AK8: variants seen among roughly 807,000 people sequenced by gnomAD.
AK8 encodes adenylate kinase 8, also known as ATP-AMP transphosphorylase 8.
A neutral mutation model predicts 54.6 loss-of-function variants in AK8; 44 were observed. The ratio of observed to expected loss-of-function variants is 0.81; its 90% confidence interval spans 0.63 to 1.04. The LOEUF (loss-of-function observed/expected upper bound fraction) is 1.04, where lower values mean the gene tolerates loss of function less well. Ranked by LOEUF, AK8 falls within the 50% of genes least tolerant of loss-of-function variation. The pLI is 0.00. For synonymous variants in AK8, 239 were observed against 245.6 expected (o/e 0.97, Z 0.25); for missense variants, 555 against 613.6 (o/e 0.90, Z 1.01).
chr9:132,875,772 C>T lies in AK8; in HGVS notation c.85-573G>A, dbSNP rs1844071284. On this transcript the variant is annotated intron_variant, in intron 1 of 12. Coordinates refer to ENST00000298545, the MANE Select transcript of AK8 (RefSeq NM_152572.3). ...GGCAGGCCATGGGTTCTGTGGGCCT[C>T]CTTGTCTGCCTAGAGCCCTTGGCAC... is the stretch of plus-strand genomic sequence containing the variant. 2.0e-5 allele frequency among the ~76,000 whole-genome samples: 3 copies of T among 152,266 alleles called. No homozygotes were observed. In the South Asian group the frequency reaches 6.2e-4, roughly 32 times the overall value.
chr9:132,797,267 C>T (rs903576945), intron 10 of AK8, among the ~76,000 whole-genome samples: 2 of 149,680 alleles, frequency 1.3e-5, no homozygotes, highest in Non-Finnish European at 3.0e-5. Context: ...TGGCACAGTA[C>T]TGGGCCCACG....
At chr9:132,848,257 G>A (rs1409828473) in intron 5 of AK8, among the ~76,000 whole-genome samples, 1 of 151,948 alleles carries the variant, frequency 6.6e-6, no homozygotes, top group Admixed American at 6.6e-5. Flanking sequence ...ATGGATTAAG[G>A]CACACAGCAT....
At chr9:132,792,590 C>T (rs750732266) in intron 11 of AK8, 44 bp downstream of exon 11, 19 of 1,533,300 alleles carry the variant, frequency 1.2e-5, no homozygotes, top group Non-Finnish European at 1.7e-5. Context: ...GAGGGGGTGC[C>T]CAGGGGCTTG....
chr9:132,878,201 C>G lies in AK8; in HGVS notation c.55G>C (p.Glu19Gln), dbSNP rs1464664409. 9 of 1,481,342 alleles carry G rather than the reference C, an allele frequency of 6.1e-6. No individual in the cohort carries two copies. Among genetic ancestry groups the G allele is most frequent in the Non-Finnish European group, 8.1e-6 (9 of 1,114,138 alleles). 91.8% of individuals were successfully genotyped at this position (1,481,342 alleles called of 1,614,324 possible). Residue 19 changes from glutamate to glutamine, a missense_variant, in exon 1 of 13, where the codon GAG (glutamate) becomes CAG (glutamine). Physicochemically the swap from Glu to Gln is conservative, Grantham distance 29. Coordinates refer to ENST00000298545, the MANE Select transcript of AK8 (RefSeq NM_152572.3). The surrounding 1 kb of genome is among the most constrained non-coding windows in gnomAD (Gnocchi z 4.7). ...ATCAACTCGAAGATGTGGTTCTCCT[C>G]CCCGTACTGGGGCATCTCGGGGGGG... is the stretch of plus-strand genomic sequence containing the variant. Reference protein sequence around the residue: ...RIPPEMPQYGEENHIFELMQN... With the variant: ...RIPPEMPQYGQENHIFELMQN...
chr9:132,737,382 ATTT>A (rs1837171564), intron 11 of AK8, among the ~76,000 whole-genome samples: 1 of 152,224 alleles, frequency 6.6e-6, no homozygotes, highest in Admixed American at 6.5e-5. Flanking sequence ...AGGAATACTG[ATTT>A]TATTCGTCAG....
intron 11 of AK8, among the ~76,000 whole-genome samples, chr9:132,764,240 G>A (rs768204405): frequency 3.3e-5 from 5 of 152,140 alleles, no homozygotes; most frequent in African/African-American, 9.7e-5. Flanking sequence ...AGCCTGGGAG[G>A]TAGACGTTGC....
At chr9:132,871,488 A>G (rs1169907552) in intron 2 of AK8, among the ~76,000 whole-genome samples, 1 of 152,206 alleles carries the variant, frequency 6.6e-6, no homozygotes, top group Non-Finnish European at 1.5e-5. Context: ...GGTGGAGTGC[A>G]GGGCTGTGGG....
In AK8 at chr9:132,762,846, C is replaced by T. The variant is rs1379919498; in HGVS notation, c.1121+29788G>A. On this transcript the variant is annotated intron_variant, in intron 11 of 12. Coordinates refer to ENST00000298545, the MANE Select transcript of AK8 (RefSeq NM_152572.3). ...GAGCTGAGATTGTGCCACTGCACTC[C>T]AGCCTGGGTGACAGAGCGAGACTCT... Among the ~76,000 whole-genome samples, 3 of 152,052 alleles carry T rather than the reference C, an allele frequency of 2.0e-5. No homozygotes were observed. The East Asian group carries it at 5.8e-4, about 29-fold the overall frequency.
At chr9:132,734,450 C>T (rs1316682045) in intron 11 of AK8, among the ~76,000 whole-genome samples, 9 of 152,248 alleles carry the variant, frequency 5.9e-5, no homozygotes, top group African/African-American at 1.7e-4. Context: ...TTTTTACAAG[C>T]TCCTCACTGG....
At chr9:132,810,653 G>A (rs1840957488) in intron 10 of AK8, among the ~76,000 whole-genome samples, 1 of 152,168 alleles carries the variant, frequency 6.6e-6, no homozygotes, top group Admixed American at 6.5e-5. Context: ...ATAAGACTGT[G>A]CTGTCAGATG....
At chr9:132,807,521 C>CATG (rs1840780072) in intron 10 of AK8, among the ~76,000 whole-genome samples, 1 of 152,232 alleles carries the variant, frequency 6.6e-6, no homozygotes, top group Admixed American at 6.5e-5. Context: ...CCAAGCAACT[C>CATG]ATGAGAACGA....
At chr9:132,831,734 T>C (rs1286162844) in intron 5 of AK8, among the ~76,000 whole-genome samples, 2 of 152,150 alleles carry the variant, frequency 1.3e-5, no homozygotes, top group Non-Finnish European at 2.9e-5. Context: ...TGTGGGCGAC[T>C]GTAAGAGATG....
chr9:132,795,333 C>G (rs1180915568), intron 10 of AK8, among the ~76,000 whole-genome samples: 1 of 152,142 alleles, frequency 6.6e-6, no homozygotes, highest in African/African-American at 2.4e-5. Context: ...GCTATAGACC[C>G]CCTGTACACT....
chr9:132,866,491 T>C (rs539766087), intron 3 of AK8, among the ~76,000 whole-genome samples: 1 of 152,368 alleles, frequency 6.6e-6, no homozygotes, highest in Admixed American at 6.5e-5. Context: ...TCTGATTCTT[T>C]TAAGTATTTC....
intron 10 of AK8, among the ~76,000 whole-genome samples, chr9:132,807,530 G>A (rs1010825227): frequency 2.0e-5 from 3 of 152,210 alleles, no homozygotes; most frequent in African/African-American, 7.2e-5. Context: ...TCATGAGAAC[G>A]AGAACAGTTC....
chr9:132,836,548 A>G (rs1305306952), intron 5 of AK8, among the ~76,000 whole-genome samples: 1 of 152,202 alleles, frequency 6.6e-6, no homozygotes, highest in African/African-American at 2.4e-5. Flanking sequence ...CTTGGGGTAG[A>G]CACATTTCTC....
At chr9:132,757,047 G>A (rs967829426) in intron 11 of AK8, among the ~76,000 whole-genome samples, 3 of 152,084 alleles carry the variant, frequency 2.0e-5, no homozygotes, top group Admixed American at 6.6e-5. Context: ...ACATAATTTC[G>A]GAATCATCGC....
chr9:132,738,210 C>T (rs1837208221), intron 11 of AK8, among the ~76,000 whole-genome samples: 1 of 152,056 alleles, frequency 6.6e-6, no homozygotes, highest in South Asian at 2.1e-4. Context: ...TGTGCCACCA[C>T]GCCCGGCTAA....
At position 132,848,395 on chromosome 9, in the gene AK8, C is replaced by T. The variant is rs964977958; in HGVS notation, c.402+6462G>A. On this transcript the variant is annotated intron_variant, in intron 5 of 12. Transcript: ENST00000298545. ...GGTGGGAAACCTTAAAAATAGTGAC[C>T]GACTGATGGGTCAGTTTTAGGAAAA... Among the ~76,000 whole-genome samples the T allele has an allele frequency of 3.3e-5, 5 of 152,124 alleles. No individual in the cohort carries two copies. In the South Asian group the frequency reaches 6.2e-4, roughly 19 times the overall value.
Sources: gnomAD v4.1 joint callset for allele counts (sites outside exome capture counted in the v4.1 genomes callset) on GRCh38, gnomAD v4.1.1 for gene constraint, Gnocchi (gnomAD v3.1) non-coding constraint, MANE v1.5 for transcripts, NCBI Gene and HGNC (gene_info 2026-07-23, HGNC 2026-07-21) for gene names.